Variants in SPPL2B observed in about 807,000 individuals in gnomAD.
The protein encoded by SPPL2B is signal peptide peptidase like 2B, also known as signal peptide peptidase-like 2B.
SPPL2B carries 39 observed loss-of-function variants against 59.7 expected under a neutral mutation model. That is an observed-to-expected ratio of 0.65 (90% CI 0.51 to 0.85). The LOEUF is 0.85. Among genes scored for constraint, SPPL2B ranks in the 40% least tolerant of loss-of-function variants. The pLI is 0.00. For synonymous variants in SPPL2B, 419 were observed against 370.8 expected, an observed-to-expected ratio of 1.13 and a Z score of -1.49; for missense variants, 865 against 849.0, an observed-to-expected ratio of 1.02 and a Z score of -0.23.
chr19:2,352,678 G>A (rs1218061560), intron 14 of SPPL2B, among the ~76,000 whole-genome samples: 1 of 152,098 alleles, frequency 6.6e-6, no homozygotes, highest in African/African-American at 2.4e-5. Flanking sequence ...AGAGACGGTA[G>A]TCCAGGCTTT....
chr19:2,343,299 G>T lies in SPPL2B; in HGVS notation c.1038+7G>T, dbSNP rs767853027. 81 of 1,551,136 alleles carry T rather than the reference G, an allele frequency of 5.2e-5. No homozygotes were observed. The Admixed American group carries it at 7.0e-4, about 13-fold the overall frequency. ...CCGTCTGCCCACCTTCAAGGTGAGT[G>T]CAGGGAGGGCACGGCTGCGGGGCAG... On this transcript the variant is annotated splice_region_variant and intron_variant, in intron 9 of 14. Transcript: ENST00000613503.
rs377073194 is a variant in SPPL2B at position 2,351,410 on chromosome 19, G to A, written c.1355-24G>A. 4.6e-5 allele frequency: 72 copies of A among 1,572,844 alleles called. No homozygotes were observed. The African/African-American group carries it at 9.1e-4, about 20-fold the overall frequency. On this transcript the variant is annotated intron_variant, in intron 13 of 14. Transcript: ENST00000613503. ...GGTGGCCCTGGCCTGCCTGGCTGAG[G>A]TGATGCCTCCTCTGTCCCCACAGCC...
At position 2,353,571 on chromosome 19, in the gene SPPL2B, G is replaced by T. The variant is rs1233147127; in HGVS notation, c.*362G>T. On this transcript the variant is annotated 3_prime_UTR_variant, in exon 15 of 15. Coordinates refer to ENST00000613503, the MANE Select transcript of SPPL2B (RefSeq NM_152988.3). ...TGGACTCTGGCCGCGGCCACACTTG[G>T]TGCTCACCAGCTGCTTCGGCCTTCA... The T allele has an allele frequency of 8.1e-6, 2 of 246,976 alleles. No homozygotes were observed. The highest frequency in any genetic ancestry group is 5.1e-5 in the Admixed American group (1 of 19,750). 15.3% of individuals were successfully genotyped at this position (246,976 alleles called of 1,614,324 possible). A position where few individuals can be genotyped will look rare whatever the true frequency, so the allele number is the denominator to read the frequency against.
intron 2 of SPPL2B, among the ~76,000 whole-genome samples, chr19:2,336,377 A>T (rs955219711): frequency 3.6e-4 from 55 of 151,544 alleles, no homozygotes; most frequent in South Asian, 1.3e-3. Context: ...GCGTGTGTAC[A>T]TGTGTAATAG....
At chr19:2,341,467 TC>T (rs752040704) in intron 8 of SPPL2B, 6 of 445,808 alleles carry the variant, frequency 1.3e-5, no homozygotes, top group South Asian at 4.7e-5. Flanking sequence ...CAGGCACTGC[TC>T]CCCCCACGCT....
In SPPL2B at chr19:2,339,864, C is replaced by G; in HGVS notation, c.640C>G (p.Gln214Glu). Residue 214 changes from glutamine (Q) to glutamate (E), a missense_variant, in exon 6 of 15, where the codon CAG becomes GAG. Physicochemically the swap from Gln to Glu is conservative, Grantham distance 29 (BLOSUM62 2). Coordinates refer to ENST00000613503, the MANE Select transcript of SPPL2B (RefSeq NM_152988.3). ...CAAGCGCGACGATGGGCCCGAGAAG[C>G]AGGAGGACGAGGCGGTGGACGTGAC... ...KHKRDDGPEKQEDEAVDVTPV... is the reference protein window; with the variant it reads ...KHKRDDGPEKEEDEAVDVTPV... 6.2e-7 allele frequency: 1 copy of G among 1,604,204 alleles called. No homozygotes were observed. Among genetic ancestry groups the G allele is most frequent in the Non-Finnish European group, 8.5e-7 (1 of 1,175,548 alleles).
chr19:2,350,339 C>T (rs758097178), intron 13 of SPPL2B, among the ~76,000 whole-genome samples: 134 of 150,108 alleles, frequency 8.9e-4, no homozygotes, highest in Non-Finnish European at 1.2e-3. Context: ...CACACACACT[C>T]ACGTGCTCTC....
chr19:2,345,764 T>C (rs1969333548), intron 13 of SPPL2B, among the ~76,000 whole-genome samples: 2 of 151,602 alleles, frequency 1.3e-5, no homozygotes, highest in Admixed American at 6.6e-5. Context: ...TCCGTCCCCC[T>C]CTTTCTCATT....
At position 2,349,707 on chromosome 19, in the gene SPPL2B, C is replaced by T. The variant is rs111475432; in HGVS notation, c.1355-1727C>T. Among the ~76,000 whole-genome samples the T allele has an allele frequency of 8.6e-3, 1,205 of 139,460 alleles. 72 individuals carry two copies. The highest frequency in any genetic ancestry group is 0.027 in the African/African-American group (877 of 32,128). The allele number at this position is 139,460 out of a possible 152,430, so 91.5% of individuals were successfully genotyped here. ...CCTGATTCCGTTCTCTCTCCACACA[C>T]ACTCGTGTTCTCATTCGCTTGATTC... On this transcript the variant is annotated intron_variant, in intron 13 of 14. Coordinates refer to ENST00000613503, the MANE Select transcript of SPPL2B (RefSeq NM_152988.3).
At chr19:2,344,087 C>A (rs1481002836) in intron 10 of SPPL2B, 48 bp downstream of exon 10, 1 of 1,337,784 alleles carries the variant, frequency 7.5e-7, no homozygotes, top group South Asian at 1.3e-5. Flanking sequence ...CGCTCCCCCG[C>A]CCCCTCGCAA....
chr19:2,340,657 G>A (rs916433544), intron 7 of SPPL2B: 34 of 574,486 alleles, frequency 5.9e-5, no homozygotes, highest in African/African-American at 4.5e-4. Flanking sequence ...GCGAAGGGGC[G>A]CAGCGCAGGC....
intron 8 of SPPL2B, chr19:2,341,849 A>G (rs1969078130): frequency 3.0e-6 from 1 of 329,792 alleles, no homozygotes; most frequent in Non-Finnish European, 6.0e-6. Context: ...CTGGGATCCC[A>G]GCATTTGGTA....
At chr19:2,341,986 A>G (rs1052651841) in intron 8 of SPPL2B, 1 of 188,456 alleles carries the variant, frequency 5.3e-6, no homozygotes, top group Non-Finnish European at 1.1e-5. Context: ...GGGTGCTTGA[A>G]GTACGTGGCG....
intron 8 of SPPL2B, 145 bp downstream of exon 8, chr19:2,341,159 G>A (rs757399871): frequency 8.4e-6 from 6 of 718,274 alleles, no homozygotes; most frequent in African/African-American, 1.7e-5. Context: ...CCCTGGCCCC[G>A]GGCTGCTCTG....
intron 13 of SPPL2B, among the ~76,000 whole-genome samples, chr19:2,345,988 TC>T (rs1969347178): frequency 6.6e-6 from 1 of 152,248 alleles, no homozygotes; most frequent in African/African-American, 2.4e-5. Flanking sequence ...ATTGTTCTGT[TC>T]TTTTCTTTTC....
rs766316850 is a variant in SPPL2B at position 2,339,068 on chromosome 19, G to A, written c.460-1G>A. 2 of 1,554,234 alleles carry A rather than the reference G, an allele frequency of 1.3e-6. No homozygotes were observed. Among genetic ancestry groups the A allele is most frequent in the Non-Finnish European group, 1.7e-6 (2 of 1,148,890 alleles). On this transcript the variant is annotated splice_acceptor_variant, in intron 4 of 14. Coordinates refer to ENST00000613503, the MANE Select transcript of SPPL2B (RefSeq NM_152988.3). LOFTEE classifies it high-confidence loss of function. Reference sequence around the variant, plus strand: ...TGCCTCCGGTGTGTTCCTTGAGGCAGCGTTTCGGCCGCACGGTGAGGGCGG... The same window carrying A: ...TGCCTCCGGTGTGTTCCTTGAGGCAACGTTTCGGCCGCACGGTGAGGGCGG...
chr19:2,343,469 C>A (rs966782777), intron 9 of SPPL2B, among the ~76,000 whole-genome samples, 177 bp downstream of exon 9: 1 of 152,138 alleles, frequency 6.6e-6, no homozygotes, highest in Admixed American at 6.5e-5. Flanking sequence ...CCAAAGCCCC[C>A]GCTGAGGCGG....
intron 14 of SPPL2B, 159 bp downstream of exon 14, chr19:2,351,753 C>G: frequency 2.6e-6 from 2 of 772,740 alleles, no homozygotes; most frequent in Non-Finnish European, 3.6e-6. Context: ...CGTGAGGCCC[C>G]GGTGGAAGGA....
Position 2,340,168 on chromosome 19 carries a change from T to C in SPPL2B, c.835T>C (p.Cys279Arg). 6.4e-7 allele frequency: 1 copy of C among 1,565,470 alleles called. No individual in the cohort carries two copies. The change falls in exon 7 of 15, where the codon TGC (cysteine) becomes CGC (arginine). Residue 279 changes from cysteine to arginine, a missense_variant. Physicochemically the swap from Cys to Arg is radical, Grantham distance 180. Coordinates refer to ENST00000613503, the MANE Select transcript of SPPL2B (RefSeq NM_152988.3). ...PCVRRLPFGK[C>R]RIPNNSLPYF... ...TGTGCGGCGGCTGCCCTTCGGCAAG[T>C]GCAGGTGAGTCTGCCCTGCTGGCCC...
Sources: gnomAD v4.1 joint callset for allele counts (sites outside exome capture counted in the v4.1 genomes callset) on GRCh38, gnomAD v4.1.1 for gene constraint, MANE v1.5 for transcripts, NCBI Gene and HGNC (gene_info 2026-07-23, HGNC 2026-07-21) for gene names.